Variants in SLC12A2 observed in about 807,000 individuals in gnomAD.
SLC12A2 encodes the protein solute carrier family 12 member 2.
SLC12A2 carries 67 observed loss-of-function variants against 136.3 expected under a neutral mutation model. That is an observed-to-expected ratio of 0.49 (90% CI 0.40 to 0.60). The LOEUF is 0.60. Among genes scored for constraint, SLC12A2 ranks in the 20% least tolerant of loss-of-function variants. SLC12A2 has a pLI of 0.00. For missense variants in SLC12A2, 1,322 were observed against 1,534.7 expected, an observed-to-expected ratio of 0.86 and a Z score of 2.32; for synonymous variants, 619 against 562.9, an observed-to-expected ratio of 1.10 and a Z score of -1.41.
intron 1 of SLC12A2, among the ~76,000 whole-genome samples, chr5:128,106,699 T>C (rs1305269696): frequency 6.6e-6 from 1 of 152,208 alleles, no homozygotes; most frequent in Non-Finnish European, 1.5e-5. Context: ...TACTTTGTTC[T>C]TACAACATAG....
intron 17 of SLC12A2, among the ~76,000 whole-genome samples, 192 bp downstream of exon 17, chr5:128,161,992 A>G (rs1013212051): frequency 2.0e-5 from 3 of 152,190 alleles, no homozygotes; most frequent in African/African-American, 7.2e-5. Flanking sequence ...AAAGTAAACT[A>G]CTTGGATTTG....
intron 22 of SLC12A2, among the ~76,000 whole-genome samples, chr5:128,179,001 T>C (rs910716092): frequency 2.0e-5 from 3 of 152,232 alleles, no homozygotes; most frequent in Non-Finnish European, 4.4e-5. Context: ...TTTTAGGTTA[T>C]CTACCTTTGG....
At chr5:128,131,446 G>A (rs758762898) in intron 5 of SLC12A2, among the ~76,000 whole-genome samples, 2 of 151,100 alleles carry the variant, frequency 1.3e-5, no homozygotes, top group Non-Finnish European at 2.9e-5. Context: ...AGCGGATCAC[G>A]AGGTCAGGAG....
At chr5:128,088,007 CTGTGTGTGTGTG>C (rs58191870) in intron 1 of SLC12A2, among the ~76,000 whole-genome samples, 4 of 140,292 alleles carry the variant, frequency 2.9e-5, no homozygotes, top group African/African-American at 8.0e-5. Context: ...GGAGGAGGCT[CTGTGTGTGTGTG>C]TGTGTGTGTG....
rs1428348017 is a variant in SLC12A2, at chr5:128,138,591, C to T, written c.1409-6C>T. The T allele has an allele frequency of 6.2e-7, 1 of 1,605,096 alleles. No individual in the cohort carries two copies. Among genetic ancestry groups the T allele is most frequent in the African/African-American group, 1.3e-5 (1 of 74,234 alleles). ...TTAATTGTCAAGAATATTTTGTTCT[C>T]TGCAGCTGAAATATTTAATGAGAAC... On this transcript the variant is annotated splice_region_variant and splice_polypyrimidine_tract_variant and intron_variant, in intron 7 of 26. Transcript: ENST00000262461.
chr5:128,151,013 C>T (rs1762683259), intron 13 of SLC12A2, among the ~76,000 whole-genome samples: 1 of 151,562 alleles, frequency 6.6e-6, no homozygotes. Flanking sequence ...TAGTCAAATA[C>T]AGTAATGTGG....
At chr5:128,093,537 G>A (rs976608352) in intron 1 of SLC12A2, among the ~76,000 whole-genome samples, 2 of 152,120 alleles carry the variant, frequency 1.3e-5, no homozygotes, top group South Asian at 2.1e-4. Context: ...CCCTCTGCCA[G>A]TGTGTGCTAT....
Position 128,114,103 on chromosome 5 carries a change from A to C in SLC12A2, c.877-109A>C. 5.2e-6 allele frequency: 4 copies of C among 772,538 alleles called. No homozygotes were observed. In the South Asian group the frequency reaches 6.9e-5, roughly 13 times the overall value. The allele number at this position is 772,538 out of a possible 1,614,324, so 47.9% of individuals were successfully genotyped here. A position where few individuals can be genotyped will look rare whatever the true frequency, so the allele number is the denominator to read the frequency against. ...GTAGGAGTTAGATTTAAAACTACAT[A>C]TCTTCTGTAGTTTCAAATGCATGTT... On this transcript the variant is annotated intron_variant, in intron 2 of 26. Coordinates refer to ENST00000262461, the MANE Select transcript of SLC12A2 (RefSeq NM_001046.3).
At chr5:128,116,951 G>A (rs1554104228) in intron 4 of SLC12A2, among the ~76,000 whole-genome samples, 1 of 152,104 alleles carries the variant, frequency 6.6e-6, no homozygotes, top group Non-Finnish European at 1.5e-5. Flanking sequence ...ACTAGATACA[G>A]GCATAAAACT....
intron 1 of SLC12A2, among the ~76,000 whole-genome samples, chr5:128,089,303 G>T (rs1038927696): frequency 1.3e-5 from 2 of 152,122 alleles, no homozygotes; most frequent in African/African-American, 4.8e-5. Context: ...CAGGAGGATT[G>T]CTTGAGCCCA....
intron 1 of SLC12A2, among the ~76,000 whole-genome samples, chr5:128,087,978 A>G (rs1010572782): frequency 6.9e-6 from 1 of 145,096 alleles, no homozygotes; most frequent in Non-Finnish European, 1.5e-5. Flanking sequence ...AGACAAAGAC[A>G]ACTTATTCCA....
chr5:128,157,884 A>C, intron 15 of SLC12A2, 169 bp from the exon 16 acceptor site: 1 of 533,486 alleles, frequency 1.9e-6, no homozygotes, highest in Non-Finnish European at 3.3e-6. Flanking sequence ...TTGTTTCTGC[A>C]TTTCTCATGT....
intron 1 of SLC12A2, among the ~76,000 whole-genome samples, chr5:128,102,257 G>A (rs1039627645): frequency 4.6e-5 from 7 of 151,608 alleles, no homozygotes; most frequent in East Asian, 3.9e-4. Flanking sequence ...AATGTATAAC[G>A]TAAGTTATCA....
Position 128,135,700 on chromosome 5 carries a change from G to A in SLC12A2, c.1300G>A (p.Ala434Thr). 6.3e-7 allele frequency: 1 copy of A among 1,583,232 alleles called. No homozygotes were observed. Among genetic ancestry groups the A allele is most frequent in the Non-Finnish European group, 8.7e-7 (1 of 1,153,186 alleles). The change falls in exon 7 of 27, where the codon GCT becomes ACT. Residue 434 changes from alanine (A) to threonine (T), a missense_variant and splice_region_variant. Coordinates refer to ENST00000262461, the MANE Select transcript of SLC12A2 (RefSeq NM_001046.3). Reference protein sequence around the residue: ...SVAGMEWEAKAQIVLLVILLL... With the variant: ...SVAGMEWEAKTQIVLLVILLL... Reference sequence around the variant, plus strand: ...TAATTTTTAATGTTTAAAATTGCAGGCTCAGATTGTTCTTTTGGTGATCCT... The same window carrying A: ...TAATTTTTAATGTTTAAAATTGCAGACTCAGATTGTTCTTTTGGTGATCCT...
chr5:128,147,163 C>T (rs1011349863), intron 10 of SLC12A2, among the ~76,000 whole-genome samples: 6 of 147,306 alleles, frequency 4.1e-5, no homozygotes, highest in Admixed American at 2.8e-4. Flanking sequence ...AATTTGAATG[C>T]TGACTTGCCT....
chr5:128,163,170 A>G (rs1763098196), intron 17 of SLC12A2, among the ~76,000 whole-genome samples: 1 of 152,162 alleles, frequency 6.6e-6, no homozygotes. Context: ...TGGTTTGAAT[A>G]TTCTAGGACA....
chr5:128,140,291 G>A (rs1561682564), intron 9 of SLC12A2, among the ~76,000 whole-genome samples: 1 of 152,044 alleles, frequency 6.6e-6, no homozygotes, highest in South Asian at 2.1e-4. Context: ...GAGCCACCGC[G>A]CCCAGCCTGA....
In SLC12A2 at chr5:128,109,639, G is replaced by T. The variant is rs11958732; in HGVS notation, c.757-3175G>T. 1,807 of 793,686 alleles carry T rather than the reference G, an allele frequency of 2.3e-3. 16 individuals carry two copies. The African/African-American group carries it at 0.025, about 11-fold the overall frequency. The allele number at this position is 793,686 out of a possible 1,614,324, so 49.2% of individuals were successfully genotyped here. A position where few individuals can be genotyped will look rare whatever the true frequency, so the allele number is the denominator to read the frequency against. On this transcript the variant is annotated intron_variant, in intron 1 of 26. Transcript: ENST00000262461. ...TTCCTACCCAGTATTTCTATATTCA[G>T]ACAGTGGATACATCAGGGAATAGCT...
intron 1 of SLC12A2, among the ~76,000 whole-genome samples, chr5:128,102,268 A>G (rs900691228): frequency 6.6e-6 from 1 of 152,170 alleles, no homozygotes; most frequent in Admixed American, 6.5e-5. Flanking sequence ...TAAGTTATCA[A>G]GTGAACATCT....
Sources: allele counts gnomAD v4.1 joint callset (sites outside exome capture counted in the v4.1 genomes callset), GRCh38; gene constraint gnomAD v4.1.1; transcripts MANE v1.5; gene names NCBI Gene and HGNC (gene_info 2026-07-23, HGNC 2026-07-21).